ECHDC1: variants seen among roughly 807,000 people sequenced by gnomAD.
ECHDC1 encodes ethylmalonyl-CoA decarboxylase.
Under a neutral mutation model 29.7 loss-of-function variants are expected in ECHDC1, and 29 were observed. That is an observed-to-expected ratio of 0.98 (90% CI 0.73 to 1.33). ECHDC1 has a LOEUF of 1.33. Among genes scored for constraint, ECHDC1 ranks in the 40% most tolerant of loss-of-function variants. ECHDC1 has a pLI of 0.00. For synonymous variants in ECHDC1, 126 were observed against 123.1 expected (o/e 1.02, Z -0.15); for missense variants, 328 against 350.0 (o/e 0.94, Z 0.50).
In ECHDC1 at chr6:127,330,802, C is replaced by T; in HGVS notation, c.220+7G>A. 1.2e-6 allele frequency: 2 copies of T among 1,608,322 alleles called. No individual in the cohort carries two copies. The highest frequency in any genetic ancestry group is 1.1e-5 in the South Asian group (1 of 90,798). On this transcript the variant is annotated splice_region_variant and intron_variant, in intron 2 of 5. Transcript: ENST00000454859. ...TCATTCTTTAGGAATAAAAAGATCC[C>T]TAATACCTGAAAAGGCATTCATTCT...
intron 1 of ECHDC1, among the ~76,000 whole-genome samples, chr6:127,333,296 T>A (rs528144118): frequency 1.3e-5 from 2 of 152,338 alleles, no homozygotes; most frequent in South Asian, 4.1e-4. Flanking sequence ...TAGGTTTACC[T>A]GATGTAGTTC....
At chr6:127,319,754 A>G (rs1044673778) in intron 3 of ECHDC1, among the ~76,000 whole-genome samples, 1 of 152,204 alleles carries the variant, frequency 6.6e-6, no homozygotes, top group African/African-American at 2.4e-5. Flanking sequence ...GCAGACAGTG[A>G]TATTTTCATG....
intron 1 of ECHDC1, among the ~76,000 whole-genome samples, chr6:127,336,122 T>C (rs1204834786): frequency 1.3e-5 from 2 of 152,088 alleles, no homozygotes; most frequent in East Asian, 1.9e-4. Context: ...AATTAGAACA[T>C]GGAAATGTTT....
intron 1 of ECHDC1, among the ~76,000 whole-genome samples, chr6:127,341,181 TC>T (rs1385599006): frequency 6.6e-6 from 1 of 152,184 alleles, no homozygotes; most frequent in Non-Finnish European, 1.5e-5. Flanking sequence ...TCTCCTTTTC[TC>T]TCCTCCTCTT....
intron 3 of ECHDC1, among the ~76,000 whole-genome samples, chr6:127,317,162 T>C (rs1782456094): frequency 6.6e-6 from 1 of 152,094 alleles, no homozygotes; most frequent in South Asian, 2.1e-4. Context: ...ATCAGTTTCT[T>C]CATTCTCATA....
intron 5 of ECHDC1, among the ~76,000 whole-genome samples, chr6:127,301,938 AAC>A (rs1279570720): frequency 1.1e-4 from 16 of 152,332 alleles, no homozygotes; most frequent in Non-Finnish European, 1.8e-4. Context: ...ATGTTTAATA[AAC>A]AGACACCACT....
intron 3 of ECHDC1, among the ~76,000 whole-genome samples, chr6:127,322,272 A>C (rs944000938): frequency 6.6e-6 from 1 of 152,312 alleles, no homozygotes; most frequent in East Asian, 1.9e-4. Flanking sequence ...CTGCCACTGC[A>C]CTCCAGCCTG....
chr6:127,318,003 A>ATTAAAT (rs1782538716), intron 3 of ECHDC1: 1 of 152,150 alleles, frequency 6.6e-6, no homozygotes, highest in Non-Finnish European at 1.5e-5. Flanking sequence ...TGATTTCTGT[A>ATTAAAT]TTTAATTTCT....
intron 1 of ECHDC1, among the ~76,000 whole-genome samples, chr6:127,337,778 C>G (rs1186534402): frequency 6.6e-6 from 1 of 152,160 alleles, no homozygotes; most frequent in Non-Finnish European, 1.5e-5. Context: ...ATAATCATAA[C>G]CCTCCCATAC....
At chr6:127,300,104 T>C (rs1780941817) in intron 5 of ECHDC1, among the ~76,000 whole-genome samples, 1 of 152,202 alleles carries the variant, frequency 6.6e-6, no homozygotes, top group East Asian at 1.9e-4. Flanking sequence ...TTTGTCATAA[T>C]GTGTTCCTAT....
chr6:127,337,200 G>A (rs567739225), intron 1 of ECHDC1, among the ~76,000 whole-genome samples: 1 of 152,244 alleles, frequency 6.6e-6, no homozygotes, highest in South Asian at 2.1e-4. Flanking sequence ...TTTCTTGTGG[G>A]AAAAATCCAC....
chr6:127,289,565 A>C lies in ECHDC1; in HGVS notation c.*304T>G. On this transcript the variant is annotated 3_prime_UTR_variant, in exon 6 of 6. Transcript: ENST00000454859. ...ACGCCAGGAATAGGTTTTGTATAGA[A>C]GCTCTCCTTTTAAACACTGCTCTTT... The C allele has an allele frequency of 4.1e-6, 1 of 243,744 alleles. No homozygotes were observed. The highest frequency in any genetic ancestry group is 1.1e-4 in the South Asian group (1 of 8,954). 15.1% of individuals were successfully genotyped at this position (243,744 alleles called of 1,614,324 possible).
At chr6:127,329,844 T>C (rs567185742) in intron 2 of ECHDC1, 1 of 452,128 alleles carries the variant, frequency 2.2e-6, no homozygotes, top group South Asian at 1.6e-5. Context: ...CATTATGTTT[T>C]CATTGGTCAG....
intron 3 of ECHDC1, among the ~76,000 whole-genome samples, chr6:127,325,127 T>C (rs1362680104): frequency 6.6e-6 from 1 of 152,202 alleles, no homozygotes; most frequent in African/African-American, 2.4e-5. Context: ...TGTGATGTGA[T>C]GAAAATAGAA....
intron 5 of ECHDC1, among the ~76,000 whole-genome samples, chr6:127,303,269 C>G (rs2057224): frequency 0.54 from 81,310 of 151,264 alleles, 23,926 homozygotes; most frequent in Non-Finnish European, 0.68. Context: ...GAATATTTAG[C>G]TTATAAAACT....
At chr6:127,324,396 A>G (rs1463793721) in intron 3 of ECHDC1, among the ~76,000 whole-genome samples, 1 of 152,166 alleles carries the variant, frequency 6.6e-6, no homozygotes, top group Non-Finnish European at 1.5e-5. Context: ...GAGGAAATTG[A>G]GCAACTTTCT....
At chr6:127,338,169 A>G (rs1784596746) in intron 1 of ECHDC1, among the ~76,000 whole-genome samples, 1 of 152,228 alleles carries the variant, frequency 6.6e-6, no homozygotes, top group Non-Finnish European at 1.5e-5. Flanking sequence ...TGTTAAGAGC[A>G]TTTGGTAAGA....
chr6:127,332,918 G>A (rs758288845), intron 1 of ECHDC1, among the ~76,000 whole-genome samples: 9 of 152,058 alleles, frequency 5.9e-5, no homozygotes, highest in Admixed American at 5.2e-4. Context: ...TAAGCCTCCC[G>A]AGTAGCTGGG....
At chr6:127,340,370 C>T (rs954907266) in intron 1 of ECHDC1, among the ~76,000 whole-genome samples, 3 of 152,182 alleles carry the variant, frequency 2.0e-5, no homozygotes, top group African/African-American at 7.2e-5. Context: ...CTTGCTTTCT[C>T]CCTCTCTCCC....
Sources: gnomAD v4.1 joint callset for allele counts (sites outside exome capture counted in the v4.1 genomes callset) on GRCh38, gnomAD v4.1.1 for gene constraint, MANE v1.5 for transcripts, NCBI Gene and HGNC (gene_info 2026-07-23, HGNC 2026-07-21) for gene names.